DIP2C: variants seen among roughly 807,000 people sequenced by gnomAD.
DIP2C encodes the protein disco-interacting protein 2 homolog C.
A neutral mutation model predicts 192.4 loss-of-function variants in DIP2C; 33 were observed. That is an observed-to-expected ratio of 0.17 (90% confidence interval 0.13 to 0.23). The LOEUF is 0.23. Ranked by LOEUF, DIP2C falls within the 10% of genes least tolerant of loss-of-function variation. The probability of loss-of-function intolerance (pLI) is 1.00; values close to 1 mark genes in which losing one functional copy is unlikely to be tolerated. For synonymous variants in DIP2C, 979 were observed against 864.1 expected, an observed-to-expected ratio of 1.13 and a Z score of -2.33; for missense variants, 1,537 against 2,110.1, an observed-to-expected ratio of 0.73 and a Z score of 5.32.
chr10:538,590 C>T (rs867456565), intron 1 of DIP2C, among the ~76,000 whole-genome samples: 36 of 152,274 alleles, frequency 2.4e-4, no homozygotes, highest in Middle Eastern at 3.4e-3. Context: ...TGCCTGTGCT[C>T]TCAGATCTAA....
chr10:416,887 A>G (rs1965676046), intron 6 of DIP2C, among the ~76,000 whole-genome samples: 1 of 152,192 alleles, frequency 6.6e-6, no homozygotes, highest in Non-Finnish European at 1.5e-5. Flanking sequence ...CCCTCACCTG[A>G]GGCAGAGCCC....
At chr10:383,795 C>T (rs80314313) in intron 16 of DIP2C, among the ~76,000 whole-genome samples, 26 of 152,222 alleles carry the variant, frequency 1.7e-4, no homozygotes, top group Non-Finnish European at 3.5e-4. Flanking sequence ...TCTACAAATG[C>T]CTGTCCTTAT....
chr10:471,791 T>C (rs1170717655), intron 3 of DIP2C, among the ~76,000 whole-genome samples: 1 of 152,200 alleles, frequency 6.6e-6, no homozygotes. Context: ...TTTGCTCTGT[T>C]GCCCAGGCTG....
intron 3 of DIP2C, 187 bp from the exon 4 acceptor site, chr10:441,183 T>C (rs1967697174): frequency 6.3e-6 from 4 of 637,344 alleles, no homozygotes; most frequent in Non-Finnish European, 1.0e-5. Context: ...CACAGACTTT[T>C]AATCATTTAT....
At chr10:297,732 C>A (rs1025811041) in intron 32 of DIP2C, among the ~76,000 whole-genome samples, 2 of 152,092 alleles carry the variant, frequency 1.3e-5, no homozygotes, top group Admixed American at 1.3e-4. Context: ...GGGAAGAATA[C>A]GTTCCAGTGT....
At chr10:359,751 T>A (rs1308968121) in intron 22 of DIP2C, among the ~76,000 whole-genome samples, 1 of 152,048 alleles carries the variant, frequency 6.6e-6, no homozygotes, top group Admixed American at 6.6e-5. Flanking sequence ...GCATCCTCTA[T>A]CTCTACCAGA....
At chr10:451,953 G>A (rs775095521) in intron 3 of DIP2C, among the ~76,000 whole-genome samples, 81 of 152,278 alleles carry the variant, frequency 5.3e-4, no homozygotes, top group Non-Finnish European at 4.7e-4. Context: ...AGTAACAGAA[G>A]AATACTTCTG....
intron 13 of DIP2C, 27 bp downstream of exon 13, chr10:389,964 C>G: frequency 1.3e-6 from 2 of 1,589,146 alleles, no homozygotes; most frequent in South Asian, 2.3e-5. Context: ...AACCAGGGTC[C>G]CAAGGAGTCA....
rs866248995 is a variant in DIP2C at position 418,221 on chromosome 10, T to A, written c.739+844A>T. Reference sequence around the variant, plus strand: ...CGGACAGGCCTCCCTGTCCACCTGTTCCTGTCAGGGCTTCGATAGGCCTCC... The same window carrying A: ...CGGACAGGCCTCCCTGTCCACCTGTACCTGTCAGGGCTTCGATAGGCCTCC... On this transcript the variant is annotated intron_variant, in intron 6 of 36. Transcript: ENST00000280886. Among the ~76,000 whole-genome samples, 57 of 86,714 alleles carry A rather than the reference T, an allele frequency of 6.6e-4. 3 individuals are homozygous for A. The highest frequency in any genetic ancestry group is 1.5e-3 in the African/African-American group (27 of 17,618). The allele number at this position is 86,714 out of a possible 152,430, so 56.9% of individuals were successfully genotyped here.
chr10:460,869 C>G (rs183539855), intron 3 of DIP2C, among the ~76,000 whole-genome samples: 3 of 152,144 alleles, frequency 2.0e-5, no homozygotes, highest in Admixed American at 6.5e-5. Context: ...TGCAGAAACC[C>G]GACATGCCAG....
Position 378,492 on chromosome 10 carries a change from C to T in DIP2C, c.1991+4155G>A, listed in dbSNP as rs1473738899. 3.9e-5 allele frequency among the ~76,000 whole-genome samples: 6 copies of T among 152,122 alleles called. No individual in the cohort carries two copies. In the East Asian group the frequency reaches 1.2e-3, roughly 30 times the overall value. On this transcript the variant is annotated intron_variant, in intron 17 of 36. Coordinates refer to ENST00000280886, the MANE Select transcript of DIP2C (RefSeq NM_014974.3). ...AGACAAAGACATGCATACATGTGAACACAGACATGCATAAAGACACGTGAA... is the reference window on the plus strand; with the variant it reads ...AGACAAAGACATGCATACATGTGAATACAGACATGCATAAAGACACGTGAA...
chr10:291,761 G>C (rs1396512752), intron 32 of DIP2C, among the ~76,000 whole-genome samples: 1 of 152,218 alleles, frequency 6.6e-6, no homozygotes, highest in Non-Finnish European at 1.5e-5. Flanking sequence ...TGAATCTGAA[G>C]TGCTTGTGGT....
intron 1 of DIP2C, among the ~76,000 whole-genome samples, chr10:495,732 ATC>A (rs905853296): frequency 1.4e-4 from 20 of 146,200 alleles, no homozygotes; most frequent in South Asian, 4.4e-4. Flanking sequence ...GTACTTAAAA[ATC>A]TCTCTTACTC....
At chr10:338,765 C>A (rs1957996000) in intron 29 of DIP2C, among the ~76,000 whole-genome samples, 1 of 152,066 alleles carries the variant, frequency 6.6e-6, no homozygotes, top group Non-Finnish European at 1.5e-5. Context: ...TGCACCCTGC[C>A]TGGCTGGCAC....
intron 31 of DIP2C, among the ~76,000 whole-genome samples, chr10:315,894 G>A (rs1226886543): frequency 6.6e-6 from 1 of 151,912 alleles, no homozygotes; most frequent in Non-Finnish European, 1.5e-5. Context: ...CATTTCTATT[G>A]GTCAGACTTC....
At chr10:308,980 G>A (rs1403606904) in intron 32 of DIP2C, among the ~76,000 whole-genome samples, 1 of 152,206 alleles carries the variant, frequency 6.6e-6, no homozygotes, top group Non-Finnish European at 1.5e-5. Context: ...AATGCCTCCA[G>A]GCATGTCAGA....
At chr10:422,066 C>T (rs145289536) in intron 5 of DIP2C, among the ~76,000 whole-genome samples, 6 of 152,270 alleles carry the variant, frequency 3.9e-5, no homozygotes, top group Middle Eastern at 3.4e-3. Flanking sequence ...GGTTTTCCTG[C>T]GGCAGCTGAG....
chr10:511,036 C>T (rs1845980002), intron 1 of DIP2C, among the ~76,000 whole-genome samples: 1 of 152,192 alleles, frequency 6.6e-6, no homozygotes, highest in African/African-American at 2.4e-5. Context: ...CATCGACGTG[C>T]TTTGTTCAAG....
At chr10:481,367 T>C (rs1843597012) in intron 2 of DIP2C, among the ~76,000 whole-genome samples, 1 of 152,172 alleles carries the variant, frequency 6.6e-6, no homozygotes, top group East Asian at 1.9e-4. Flanking sequence ...CAAAGCCCAG[T>C]GGGAGAATCT....
Sources: allele counts gnomAD v4.1 joint callset (sites outside exome capture counted in the v4.1 genomes callset), GRCh38; gene constraint gnomAD v4.1.1; transcripts MANE v1.5; gene names NCBI Gene and HGNC (gene_info 2026-07-23, HGNC 2026-07-21).